Variants in PTGER4 observed in about 807,000 individuals in gnomAD.
The protein encoded by PTGER4 is prostaglandin E2 receptor EP4 subtype.
PTGER4 carries 11 observed loss-of-function variants against 33.2 expected under a neutral mutation model. The observed-to-expected ratio is 0.33, with a 90% CI of 0.21 to 0.55. The LOEUF is 0.55. Among genes scored for constraint, PTGER4 ranks in the 20% least tolerant of loss-of-function variants. The probability of loss-of-function intolerance (pLI) is 0.92; values close to 1 mark genes in which losing one functional copy is unlikely to be tolerated. For synonymous variants in PTGER4, 275 were observed against 281.5 expected, an observed-to-expected ratio of 0.98 and a Z score of 0.23; for missense variants, 481 against 650.2, an observed-to-expected ratio of 0.74 and a Z score of 2.83.
At chr5:40,746,234 GGAAAAAA>G in the PTGER4 span, among the ~76,000 whole-genome samples, 31 of 151,732 alleles carry the variant, frequency 2.0e-4, no homozygotes, top group Admixed American at 9.2e-4. Context: ...AAAGAGGAAA[GGAAAAAA>G]GAAAAAAGAA....
the PTGER4 span, chr5:40,716,301 A>C: frequency 3.7e-6 from 6 of 1,614,200 alleles, no homozygotes; most frequent in Non-Finnish European, 5.1e-6. Flanking sequence ...AAACAGCAAC[A>C]ATCTCATCAC....
rs1427003682 is a variant in PTGER4 at position 40,683,351 on chromosome 5, G to A, written c.867+1491G>A. 6.6e-6 allele frequency among the ~76,000 whole-genome samples: 1 copy of A among 152,178 alleles called. No individual in the cohort carries two copies. Among genetic ancestry groups the A allele is most frequent in the Non-Finnish European group, 1.5e-5 (1 of 68,040 alleles). On this transcript the variant is annotated intron_variant, in intron 2 of 2. Coordinates refer to ENST00000302472, the MANE Select transcript of PTGER4 (RefSeq NM_000958.3). This position sits in a 1 kb window ranked among gnomAD's most constrained non-coding sequence, Gnocchi z 4.2. Reference sequence around the variant, plus strand: ...GAAGTAAATATAATAGGCCATAAGAGCCTTTAAGCCATTCCAGGACCCAAT... The same window carrying A: ...GAAGTAAATATAATAGGCCATAAGAACCTTTAAGCCATTCCAGGACCCAAT...
At chr5:40,687,742 C>T (rs1741363094) in intron 2 of PTGER4, among the ~76,000 whole-genome samples, 1 of 152,074 alleles carries the variant, frequency 6.6e-6, no homozygotes, top group Non-Finnish European at 1.5e-5. Flanking sequence ...ATGTTTTTAC[C>T]TGAATTTGGA....
chr5:40,708,767 G>A, the PTGER4 span, among the ~76,000 whole-genome samples: 3 of 152,114 alleles, frequency 2.0e-5, no homozygotes, highest in Non-Finnish European at 4.4e-5. Context: ...GATGAACATC[G>A]ATGCAAAAAT....
At chr5:40,712,426 GACAC>G in the PTGER4 span, among the ~76,000 whole-genome samples, 1 of 152,134 alleles carries the variant, frequency 6.6e-6, no homozygotes. Flanking sequence ...AACCACTTGA[GACAC>G]AGACAGATGG....
At chr5:40,725,875 T>A in the PTGER4 span, among the ~76,000 whole-genome samples, 1 of 144,664 alleles carries the variant, frequency 6.9e-6, no homozygotes, top group Admixed American at 7.1e-5. Context: ...AAGCTCCGCC[T>A]CCCAGGTTCA....
the PTGER4 span, among the ~76,000 whole-genome samples, chr5:40,720,059 A>G: frequency 2.0e-5 from 3 of 152,132 alleles, no homozygotes; most frequent in Non-Finnish European, 4.4e-5. Flanking sequence ...ATTTTTATCT[A>G]CTTTTTTCTT....
the PTGER4 span, chr5:40,728,334 G>A: frequency 3.9e-5 from 54 of 1,376,590 alleles, no homozygotes; most frequent in Non-Finnish European, 5.1e-5. Context: ...ATAATAATCT[G>A]ACTTCCTCAC....
At position 40,681,558 on chromosome 5, in the gene PTGER4, G is replaced by A. The variant is rs1741189465; in HGVS notation, c.565G>A (p.Ala189Thr). 1.2e-6 allele frequency: 2 copies of A among 1,611,588 alleles called. No individual in the cohort carries two copies. Among genetic ancestry groups the A allele is most frequent in the Non-Finnish European group, 8.5e-7 (1 of 1,180,024 alleles). The change falls in exon 2 of 3, where the codon GCG (alanine) becomes ACG (threonine). Residue 189 changes from alanine (A) to threonine (T), a missense_variant. Ala to Thr is a moderately conservative substitution (Grantham distance 58). This residue lies in a region of PTGER4 where 174 missense variants were observed against 210.5 expected (regional missense o/e 0.83). Coordinates refer to ENST00000302472, the MANE Select transcript of PTGER4 (RefSeq NM_000958.3). The surrounding 1 kb of genome is among the most constrained non-coding windows in gnomAD (Gnocchi z 9.8). The part of the protein sequence containing the change: ...TAHAAYSYMY[A>T]GFSSFLILAT... ...GCACGCCGCCTACTCCTACATGTAC[G>A]CGGGCTTCAGCTCCTTCCTCATTCT...
rs2111784248 is a variant in PTGER4, at chr5:40,681,674, G to A, written c.681G>A (p.Gln227=). The A allele has an allele frequency of 1.3e-6, 2 of 1,578,344 alleles. No individual in the cohort carries two copies. The highest frequency in any genetic ancestry group is 1.7e-6 in the Non-Finnish European group (2 of 1,167,932). ...GCCGCACCTCGCTGGGCACCGAGCA[G>A]CACCACGCGGCCGCGGCCGCCTCGG... ...FMRRTSLGTE[Q]HHAAAAASVA... is the part of the protein sequence containing the mutation. Residue 227 remains glutamine (Q), a synonymous_variant, in exon 2 of 3, where the codon CAG becomes CAA. Transcript: ENST00000302472. The surrounding 1 kb of genome is among the most constrained non-coding windows in gnomAD (Gnocchi z 9.8).
chr5:40,738,444 A>AAATAC, the PTGER4 span, among the ~76,000 whole-genome samples: 7,572 of 83,838 alleles, frequency 0.09, 481 homozygotes, highest in Non-Finnish European at 0.1. Flanking sequence ...ATATAAAATA[A>AAATAC]AATACAATAC....
At chr5:40,725,067 A>C in the PTGER4 span, among the ~76,000 whole-genome samples, 16 of 151,790 alleles carry the variant, frequency 1.1e-4, no homozygotes, top group African/African-American at 3.4e-4. Flanking sequence ...GGCTGGTCTC[A>C]AAACTCCTGA....
chr5:40,705,241 A>G, the PTGER4 span, among the ~76,000 whole-genome samples: 2 of 152,256 alleles, frequency 1.3e-5, no homozygotes, highest in Non-Finnish European at 2.9e-5. Flanking sequence ...TTCATATTCT[A>G]TAAATGGTAC....
At chr5:40,731,847 G>A in the PTGER4 span, among the ~76,000 whole-genome samples, 1 of 152,208 alleles carries the variant, frequency 6.6e-6, no homozygotes, top group South Asian at 2.1e-4. Flanking sequence ...TCCTCCAGTG[G>A]CTCTAGCCCA....
rs773165470 is a variant in PTGER4 at position 40,691,332 on chromosome 5, C to T, written c.868-447C>T. 6.6e-6 allele frequency among the ~76,000 whole-genome samples: 1 copy of T among 152,234 alleles called. No individual in the cohort carries two copies. Among genetic ancestry groups the T allele is most frequent in the Non-Finnish European group, 1.5e-5 (1 of 68,042 alleles). The stretch of plus-strand genomic sequence containing the variant: ...GAGTAGCTGGGACTACAGGCGCATG[C>T]CACCACACCCAGCTAATTTTTGTAT... On this transcript the variant is annotated intron_variant, in intron 2 of 2. Transcript: ENST00000302472. The surrounding 1 kb of genome is among the most constrained non-coding windows in gnomAD (Gnocchi z 4.2).
chr5:40,734,194 C>G, the PTGER4 span, among the ~76,000 whole-genome samples: 6 of 152,160 alleles, frequency 3.9e-5, no homozygotes, highest in African/African-American at 1.4e-4. Flanking sequence ...CTTCTGTTGG[C>G]CTGCAAACAA....
At chr5:40,726,004 C>T in the PTGER4 span, among the ~76,000 whole-genome samples, 745 of 151,810 alleles carry the variant, frequency 4.9e-3, 5 homozygotes, top group African/African-American at 0.017. Context: ...CCAGGATGGT[C>T]TCAATCTCCT....
At chr5:40,721,848 C>T in the PTGER4 span, among the ~76,000 whole-genome samples, 5 of 152,074 alleles carry the variant, frequency 3.3e-5, no homozygotes, top group African/African-American at 1.2e-4. Flanking sequence ...AAACAACCAC[C>T]AGAGTAAAAG....
At chr5:40,685,186 G>C (rs947649095) in intron 2 of PTGER4, among the ~76,000 whole-genome samples, 2 of 152,054 alleles carry the variant, frequency 1.3e-5, no homozygotes, top group Non-Finnish European at 2.9e-5. Flanking sequence ...ACTCATCTCA[G>C]CTAGGGGCAG....
Sources: gnomAD v4.1 joint callset for allele counts (sites outside exome capture counted in the v4.1 genomes callset) on GRCh38, gnomAD v4.1.1 for gene constraint, gnomAD v4.1.1 regional missense constraint, Gnocchi (gnomAD v3.1) non-coding constraint, MANE v1.5 for transcripts, NCBI Gene and HGNC (gene_info 2026-07-23, HGNC 2026-07-21) for gene names.